Variants in PTPRD observed in about 807,000 individuals in gnomAD.
The protein encoded by PTPRD is protein tyrosine phosphatase receptor type D, also known as receptor-type tyrosine-protein phosphatase delta.
A neutral mutation model predicts 214.5 loss-of-function variants in PTPRD; 34 were observed. That is an observed-to-expected ratio of 0.16 (90% CI 0.12 to 0.21). The LOEUF is 0.21. Among genes scored for constraint, PTPRD ranks in the 10% least tolerant of loss-of-function variants. PTPRD has a pLI of 1.00. For synonymous variants in PTPRD, 1,128 were observed against 845.7 expected, an observed-to-expected ratio of 1.33 and a Z score of -5.79; for missense variants, 2,545 against 2,398.7, an observed-to-expected ratio of 1.06 and a Z score of -1.27.
chr9:10,554,978 T>G (rs1566909720), intron 2 of PTPRD, among the ~76,000 whole-genome samples: 1 of 152,178 alleles, frequency 6.6e-6, no homozygotes, highest in African/African-American at 2.4e-5. Flanking sequence ...CTAAAGATCA[T>G]GATGTCTACC....
chr9:8,774,722 C>T (rs888120282), intron 11 of PTPRD, among the ~76,000 whole-genome samples: 13 of 151,642 alleles, frequency 8.6e-5, no homozygotes, highest in East Asian at 7.8e-4. Flanking sequence ...TTAGTAGAGA[C>T]GGGGTTTCTC....
chr9:10,012,404 A>C (rs563418011), intron 4 of PTPRD, among the ~76,000 whole-genome samples: 5 of 152,060 alleles, frequency 3.3e-5, no homozygotes, highest in African/African-American at 1.2e-4. Flanking sequence ...GAGTACTATC[A>C]CAGTTGCAAC....
chr9:9,065,797 G>C (rs2099729318), intron 10 of PTPRD, among the ~76,000 whole-genome samples: 1 of 151,988 alleles, frequency 6.6e-6, no homozygotes, highest in African/African-American at 2.4e-5. Context: ...TTTTCCAGTA[G>C]TTCTCTTTAG....
At chr9:9,528,182 C>T (rs2074588432) in intron 8 of PTPRD, among the ~76,000 whole-genome samples, 1 of 152,104 alleles carries the variant, frequency 6.6e-6, no homozygotes, top group Non-Finnish European at 1.5e-5. Flanking sequence ...TTCTGTAGAT[C>T]TTCAAGGGAC....
chr9:10,500,096 T>C (rs1431180059), intron 2 of PTPRD, among the ~76,000 whole-genome samples: 1 of 151,880 alleles, frequency 6.6e-6, no homozygotes, highest in Non-Finnish European at 1.5e-5. Context: ...ACATTTCTAC[T>C]AACGGATTTC....
intron 33 of PTPRD, among the ~76,000 whole-genome samples, chr9:8,452,576 T>A (rs1344402062): frequency 6.6e-6 from 1 of 152,244 alleles, no homozygotes; most frequent in Non-Finnish European, 1.5e-5. Context: ...AAACAGATTT[T>A]AAATTTTGCC....
intron 10 of PTPRD, among the ~76,000 whole-genome samples, chr9:9,032,350 G>A (rs1025236509): frequency 2.6e-5 from 4 of 152,000 alleles, no homozygotes; most frequent in Non-Finnish European, 4.4e-5. Context: ...TCTCAGCACT[G>A]ACACCAGCCT....
chr9:9,945,177 T>G (rs2092372540), intron 4 of PTPRD, among the ~76,000 whole-genome samples: 1 of 152,114 alleles, frequency 6.6e-6, no homozygotes, highest in Admixed American at 6.6e-5. Flanking sequence ...GATGGGATTA[T>G]TAGGAGATCC....
chr9:8,449,926 C>T, intron 33 of PTPRD, 89 bp from the exon 34 acceptor site: 1 of 1,276,740 alleles, frequency 7.8e-7, no homozygotes, highest in South Asian at 1.3e-5. Context: ...ACTCCCCCCA[C>T]CTCCCAAGTT....
At chr9:9,857,365 C>A (rs905252405) in intron 5 of PTPRD, among the ~76,000 whole-genome samples, 7 of 152,174 alleles carry the variant, frequency 4.6e-5, no homozygotes, top group African/African-American at 1.7e-4. Context: ...GAGAAGAGAA[C>A]AACAATTCAT....
chr9:10,362,337 T>A (rs1042829737), intron 2 of PTPRD, among the ~76,000 whole-genome samples: 1 of 4,858 alleles, frequency 2.1e-4, no homozygotes, highest in East Asian at 6.3e-3. Flanking sequence ...GACAGAGAAA[T>A]TTTTTTTTTT....
chr9:10,343,181 G>T (rs574535633), intron 2 of PTPRD, among the ~76,000 whole-genome samples: 1 of 151,496 alleles, frequency 6.6e-6, no homozygotes, highest in African/African-American at 2.4e-5. Context: ...CCTGTGTCCA[G>T]GTGATCTCCT....
chr9:9,294,274 C>A (rs1315916770), intron 9 of PTPRD, among the ~76,000 whole-genome samples: 1 of 151,708 alleles, frequency 6.6e-6, no homozygotes. Context: ...CCATGGAAAG[C>A]AAAACCAAGG....
chr9:10,536,363 T>C (rs372342631), intron 2 of PTPRD, among the ~76,000 whole-genome samples: 2 of 152,258 alleles, frequency 1.3e-5, no homozygotes, highest in African/African-American at 4.8e-5. Flanking sequence ...TTAAAGCTTT[T>C]CTCCTTGTCC....
In PTPRD at chr9:9,030,276, CTTTTTTTTTTTTTTT is replaced by C. The variant is rs71317396; in HGVS notation, c.-142-11556_-142-11542del. Among the ~76,000 whole-genome samples, 24 of 37,920 alleles carry C rather than the reference CTTTTTTTTTTTTTTT, an allele frequency of 6.3e-4. 3 individuals carry two copies. The Admixed American group carries it at 6.5e-3, about 10-fold the overall frequency. 24.9% of individuals were successfully genotyped at this position (37,920 alleles called of 152,430 possible). On this transcript the variant is annotated intron_variant, in intron 10 of 45. Transcript: ENST00000381196. ...TTGGATCACATGGGCCACACTTGGG[CTTTTTTTTTTTTTTT>C]TTTTTTTTTTTTTTTTTACAGATAT... is the stretch of plus-strand genomic sequence containing the variant.
intron 9 of PTPRD, among the ~76,000 whole-genome samples, chr9:9,395,919 G>C (rs891737424): frequency 1.3e-5 from 2 of 152,030 alleles, no homozygotes; most frequent in Admixed American, 6.6e-5. Context: ...ATTGCAAAGT[G>C]ATATGATTGC....
chr9:9,975,249 A>G (rs1195600201), intron 4 of PTPRD, among the ~76,000 whole-genome samples: 2 of 152,146 alleles, frequency 1.3e-5, no homozygotes, highest in African/African-American at 2.4e-5. Context: ...CTTTATCTAG[A>G]TCCCCAGATA....
chr9:9,259,848 G>C (rs754075112), intron 9 of PTPRD, among the ~76,000 whole-genome samples: 1 of 151,824 alleles, frequency 6.6e-6, no homozygotes, highest in Admixed American at 6.6e-5. Flanking sequence ...CCCAACAAAG[G>C]GCAATCAGAG....
intron 4 of PTPRD, among the ~76,000 whole-genome samples, chr9:10,027,630 T>C (rs2096953378): frequency 6.6e-6 from 1 of 152,222 alleles, no homozygotes; most frequent in African/African-American, 2.4e-5. Context: ...GTTATTCTCC[T>C]TTATACTGCC....
Sources: allele counts gnomAD v4.1 joint callset (sites outside exome capture counted in the v4.1 genomes callset), GRCh38; gene constraint gnomAD v4.1.1; transcripts MANE v1.5; gene names NCBI Gene and HGNC (gene_info 2026-07-23, HGNC 2026-07-21).